Variants in TRPM3 observed in about 807,000 individuals in gnomAD.
TRPM3 encodes the protein transient receptor potential cation channel subfamily M member 3.
Under a neutral mutation model 181.2 loss-of-function variants are expected in TRPM3, and 77 were observed. The ratio of observed to expected loss-of-function variants is 0.42; its 90% CI spans 0.35 to 0.51. The LOEUF is 0.51. TRPM3 is among the 20% of genes least tolerant of loss of function. The pLI is 0.01. For synonymous variants in TRPM3, 745 were observed against 796.4 expected, an observed-to-expected ratio of 0.94 and a Z score of 1.09; for missense variants, 1,759 against 2,196.7, an observed-to-expected ratio of 0.80 and a Z score of 3.98.
At chr9:70,596,202 A>G (rs1381809845) in intron 21 of TRPM3, among the ~76,000 whole-genome samples, 1 of 152,204 alleles carries the variant, frequency 6.6e-6, no homozygotes, top group African/African-American at 2.4e-5. Context: ...TCACTACTTT[A>G]GAAACAAGTA....
rs139535101 is a variant in TRPM3, at chr9:70,618,089, CT to C, written c.2358+777del. ...TCAGTCTTCCATCTCCCATTTTTTT[CT>C]GTCTTTCTTTTCCTTTTTCAGTTTC... is the stretch of plus-strand genomic sequence containing the variant. On this transcript the variant is annotated intron_variant, in intron 17 of 25. Coordinates refer to ENST00000677713, the MANE Select transcript of TRPM3 (RefSeq NM_001366145.2). Among the ~76,000 whole-genome samples, 828 of 151,890 alleles carry C rather than the reference CT, an allele frequency of 5.5e-3. 9 individuals are homozygous for C. The highest frequency in any genetic ancestry group is 0.019 in the African/African-American group (786 of 41,252).
At chr9:70,670,088 T>G (rs916575471) in intron 9 of TRPM3, among the ~76,000 whole-genome samples, 5 of 151,906 alleles carry the variant, frequency 3.3e-5, no homozygotes, top group African/African-American at 1.2e-4. Context: ...GTGGTGGTGG[T>G]GGGGTGTGAG....
rs561278842 is a variant in TRPM3 at position 71,391,799 on chromosome 9, G to C, written c.183+54854C>G. Among the ~76,000 whole-genome samples, 67 of 152,164 alleles carry C rather than the reference G, an allele frequency of 4.4e-4. 1 individual carries two copies. Among genetic ancestry groups the C allele is most frequent in the African/African-American group, 1.6e-3 (67 of 41,552 alleles). ...CTCATGCTGAATTTAAGTCATTCTT[G>C]TGGGCATGAAATACTTCTAGTTCTT... On this transcript the variant is annotated intron_variant, in intron 1 of 24. Coordinates refer to the TRPM3 transcript ENST00000357533.
chr9:70,766,928 T>C (rs185005235), intron 7 of TRPM3, among the ~76,000 whole-genome samples: 43 of 152,368 alleles, frequency 2.8e-4, no homozygotes, highest in African/African-American at 1.0e-3. Context: ...ATAATAGTAC[T>C]TATCTCATAG....
chr9:70,991,334 A>G (rs553456887), intron 1 of TRPM3, among the ~76,000 whole-genome samples: 8 of 152,282 alleles, frequency 5.3e-5, no homozygotes, highest in East Asian at 1.9e-4. Context: ...TTTGTCACCA[A>G]ACAAAATCAG....
intron 6 of TRPM3, among the ~76,000 whole-genome samples, chr9:70,795,905 C>T (rs1372666364): frequency 2.0e-5 from 3 of 152,288 alleles, no homozygotes; most frequent in East Asian, 3.9e-4. Context: ...AAAAGGATGG[C>T]CAATCCCTTG....
At chr9:71,253,409 C>A (rs1274979977) in intron 1 of TRPM3, among the ~76,000 whole-genome samples, 5 of 152,122 alleles carry the variant, frequency 3.3e-5, no homozygotes, top group African/African-American at 1.2e-4. Flanking sequence ...CACGTGTGTA[C>A]TCCTGTCATC....
chr9:70,922,039 TCA>T (rs2096662810), intron 1 of TRPM3, among the ~76,000 whole-genome samples: 1 of 151,508 alleles, frequency 6.6e-6, no homozygotes, highest in Admixed American at 6.6e-5. Context: ...GTAATAAGAA[TCA>T]AATGTAGAAC....
intron 1 of TRPM3, among the ~76,000 whole-genome samples, chr9:71,432,223 G>A (rs2093965590): frequency 6.6e-6 from 1 of 151,714 alleles, no homozygotes; most frequent in Admixed American, 6.6e-5. Context: ...CTCCATCGGT[G>A]GACCCAAAGG....
intron 1 of TRPM3, among the ~76,000 whole-genome samples, chr9:70,896,527 T>C (rs1189800088): frequency 6.6e-6 from 1 of 152,120 alleles, no homozygotes; most frequent in African/African-American, 2.4e-5. Context: ...AACCAGATGC[T>C]GCAAGACAAA....
intron 1 of TRPM3, among the ~76,000 whole-genome samples, chr9:71,401,212 A>AG (rs2093335902): frequency 6.6e-6 from 1 of 151,798 alleles, no homozygotes; most frequent in Non-Finnish European, 1.5e-5. Context: ...AAAAAAAAAA[A>AG]AAAAGAATCT....
intron 7 of TRPM3, among the ~76,000 whole-genome samples, chr9:70,769,770 G>A (rs1328980396): frequency 1.6e-5 from 2 of 125,362 alleles, no homozygotes; most frequent in Non-Finnish European, 3.9e-5. Context: ...TCTTACTCTA[G>A]TAGATGATGA....
intron 1 of TRPM3, among the ~76,000 whole-genome samples, chr9:71,026,774 G>A (rs1231906137): frequency 1.3e-5 from 2 of 152,190 alleles, no homozygotes; most frequent in Non-Finnish European, 2.9e-5. Context: ...CAGTGTGAAT[G>A]TGCACAGAGG....
intron 1 of TRPM3, among the ~76,000 whole-genome samples, chr9:71,032,048 AT>A (rs1192331901): frequency 0.034 from 127 of 3,734 alleles, 20 homozygotes; most frequent in South Asian, 0.048. Context: ...ATATATATAT[AT>A]TATATATATT....
intron 1 of TRPM3, among the ~76,000 whole-genome samples, chr9:71,324,782 G>A (rs1459739817): frequency 3.3e-5 from 5 of 151,940 alleles, no homozygotes; most frequent in East Asian, 1.9e-4. Flanking sequence ...TATACCGCTC[G>A]GCCATTAGAA....
At chr9:71,341,675 A>G (rs2090972939) in intron 1 of TRPM3, among the ~76,000 whole-genome samples, 1 of 82,158 alleles carries the variant, frequency 1.2e-5, no homozygotes, top group South Asian at 5.4e-4. Flanking sequence ...CTAGTAAAAA[A>G]AAAAAAAGAA....
At chr9:71,234,517 T>G (rs1471541944) in intron 1 of TRPM3, among the ~76,000 whole-genome samples, 1 of 152,198 alleles carries the variant, frequency 6.6e-6, no homozygotes, top group East Asian at 1.9e-4. Context: ...AGGCTAGAAG[T>G]GTAAAATCAA....
At chr9:70,592,608 A>G (rs2058308747) in intron 21 of TRPM3, among the ~76,000 whole-genome samples, 3 of 152,346 alleles carry the variant, frequency 2.0e-5, no homozygotes, top group Admixed American at 1.3e-4. Flanking sequence ...AACATAGAAT[A>G]CAAAAGACTT....
chr9:71,006,044 G>T (rs1260188463), intron 1 of TRPM3, among the ~76,000 whole-genome samples: 1 of 152,132 alleles, frequency 6.6e-6, no homozygotes, highest in African/African-American at 2.4e-5. Context: ...AGGGGACGTG[G>T]TATTAAAATA....
Sources: gnomAD v4.1 joint callset for allele counts (sites outside exome capture counted in the v4.1 genomes callset) on GRCh38, gnomAD v4.1.1 for gene constraint, MANE v1.5 for transcripts, NCBI Gene and HGNC (gene_info 2026-07-23, HGNC 2026-07-21) for gene names.